Variants in PALLD observed in about 807,000 individuals in gnomAD.
PALLD encodes palladin.
Under a neutral mutation model 123.5 loss-of-function variants are expected in PALLD, and 61 were observed. That is an observed-to-expected ratio of 0.49 (90% CI 0.40 to 0.61). The LOEUF is 0.61. PALLD is among the 20% of genes least tolerant of loss of function. The pLI is 0.00. For synonymous variants in PALLD, 465 were observed against 496.4 expected, an observed-to-expected ratio of 0.94 and a Z score of 0.84; for missense variants, 1,273 against 1,377.0, an observed-to-expected ratio of 0.92 and a Z score of 1.20.
At chr4:168,847,162 A>C (rs1360492557) in intron 10 of PALLD, among the ~76,000 whole-genome samples, 1 of 152,210 alleles carries the variant, frequency 6.6e-6, no homozygotes, top group Non-Finnish European at 1.5e-5. Context: ...ATACCCATTA[A>C]AATGTCAAAT....
At chr4:168,804,876 C>T (rs13129779) in intron 10 of PALLD, among the ~76,000 whole-genome samples, 87,322 of 151,948 alleles carry the variant, frequency 0.57, 25,725 homozygotes, top group East Asian at 0.82. Flanking sequence ...GTTCCCAAAG[C>T]GAGGCCGGGT....
intron 10 of PALLD, among the ~76,000 whole-genome samples, chr4:168,721,448 A>T (rs1786006883): frequency 6.6e-6 from 1 of 151,212 alleles, no homozygotes; most frequent in African/African-American, 2.4e-5. Context: ...TGTCAATTTT[A>T]TGAAAAAATA....
chr4:168,771,738 G>C (rs528983527), intron 10 of PALLD, among the ~76,000 whole-genome samples: 1 of 152,106 alleles, frequency 6.6e-6, no homozygotes. Context: ...CCCTCAAGGC[G>C]ACTCTCCTTC....
At chr4:168,894,721 C>T in intron 12 of PALLD, 44 bp downstream of exon 12, 3 of 1,594,376 alleles carry the variant, frequency 1.9e-6, no homozygotes, top group Non-Finnish European at 2.6e-6. Flanking sequence ...TTTATTCTGT[C>T]CCCCTTTTCC....
At chr4:168,661,444 A>G (rs1490154989) in intron 2 of PALLD, among the ~76,000 whole-genome samples, 1 of 152,250 alleles carries the variant, frequency 6.6e-6, no homozygotes, top group Non-Finnish European at 1.5e-5. Context: ...GAATGAATGA[A>G]TGAGTATGAC....
chr4:168,912,945 C>T (rs1342377159), intron 15 of PALLD, among the ~76,000 whole-genome samples: 1 of 152,104 alleles, frequency 6.6e-6, no homozygotes, highest in Non-Finnish European at 1.5e-5. Context: ...TACATAGGCC[C>T]TTATCATATG....
At chr4:168,679,288 G>T (rs1781264472) in intron 3 of PALLD, among the ~76,000 whole-genome samples, 1 of 96,914 alleles carries the variant, frequency 1.0e-5, no homozygotes, top group Non-Finnish European at 2.1e-5. Flanking sequence ...GGTGAGTATG[G>T]ATGTGTGTGG....
chr4:168,702,636 C>T (rs570944720), intron 8 of PALLD, among the ~76,000 whole-genome samples: 20 of 152,174 alleles, frequency 1.3e-4, no homozygotes, highest in African/African-American at 4.6e-4. Context: ...TTAGCCAGGA[C>T]CCTGAGAGAA....
chr4:168,914,131 A>G, intron 16 of PALLD, 110 bp downstream of exon 16: 1 of 761,496 alleles, frequency 1.3e-6, no homozygotes, highest in Non-Finnish European at 2.3e-6. Flanking sequence ...ACTGGAAGAT[A>G]GAATAGGAAT....
chr4:168,733,883 C>T (rs9312359), intron 10 of PALLD, among the ~76,000 whole-genome samples: 144,526 of 151,646 alleles, frequency 0.95, 68,928 homozygotes, highest in East Asian at 1. Context: ...TACAGGCGCC[C>T]GCCACCGCAC....
intron 10 of PALLD, among the ~76,000 whole-genome samples, chr4:168,840,268 G>A (rs1411469114): frequency 1.3e-5 from 2 of 152,170 alleles, no homozygotes; most frequent in Non-Finnish European, 1.5e-5. Context: ...GCAAGTGACT[G>A]TAAGATACCC....
chr4:168,845,634 C>T (rs1168865908), intron 10 of PALLD, among the ~76,000 whole-genome samples: 2 of 151,980 alleles, frequency 1.3e-5, no homozygotes, highest in African/African-American at 4.8e-5. Flanking sequence ...TTTTGGTATC[C>T]GAAGGGTTCC....
intron 10 of PALLD, among the ~76,000 whole-genome samples, chr4:168,783,046 A>ATGTG (rs150595576): frequency 0.074 from 8,633 of 115,924 alleles, 280 homozygotes; most frequent in Non-Finnish European, 0.11. Context: ...TTATATATAT[A>ATGTG]TGTGTGTGTG....
At chr4:168,498,057 T>G (rs28564310) in intron 1 of PALLD, among the ~76,000 whole-genome samples, 14,743 of 152,250 alleles carry the variant, frequency 0.097, 800 homozygotes, top group Non-Finnish European at 0.11. Flanking sequence ...AATCCTCATT[T>G]CATGATAAAT....
intron 10 of PALLD, among the ~76,000 whole-genome samples, chr4:168,828,554 C>T (rs1201021754): frequency 6.6e-6 from 1 of 152,180 alleles, no homozygotes; most frequent in African/African-American, 2.4e-5. Flanking sequence ...CCAATATCTT[C>T]TTTCTTTAGT....
chr4:168,684,355 C>T (rs1030185285), intron 5 of PALLD, among the ~76,000 whole-genome samples: 5 of 152,096 alleles, frequency 3.3e-5, no homozygotes, highest in African/African-American at 7.2e-5. Context: ...GAGAATGAAG[C>T]ACCCAGAGAA....
At chr4:168,590,202 C>T (rs995900562) in intron 2 of PALLD, among the ~76,000 whole-genome samples, 3 of 152,130 alleles carry the variant, frequency 2.0e-5, no homozygotes, top group Admixed American at 1.3e-4. Context: ...ATTAGCTTGC[C>T]GTGGTGGCAG....
rs1229944035 is a variant in PALLD, at chr4:168,926,476, AC to A, written c.*298del. 20 of 825,878 alleles carry A rather than the reference AC, an allele frequency of 2.4e-5. No individual in the cohort carries two copies. In the African/African-American group the frequency reaches 3.1e-4, roughly 13 times the overall value. 51.2% of individuals were successfully genotyped at this position (825,878 alleles called of 1,614,324 possible). ...CACATTATGTAAAAGGCAGAAACATACCTTTGACTATAAGAAATTAAAAAAA... is the reference window on the plus strand; with the variant it reads ...CACATTATGTAAAAGGCAGAAACATACTTTGACTATAAGAAATTAAAAAAA... On this transcript the variant is annotated 3_prime_UTR_variant, in exon 22 of 22. Transcript: ENST00000505667.
intron 10 of PALLD, among the ~76,000 whole-genome samples, chr4:168,846,579 G>T (rs901380395): frequency 1.2e-4 from 19 of 152,164 alleles, no homozygotes; most frequent in African/African-American, 4.6e-4. Context: ...CTTTACAGGT[G>T]ACCTGTTAAA....
Sources: allele counts gnomAD v4.1 joint callset (sites outside exome capture counted in the v4.1 genomes callset), GRCh38; gene constraint gnomAD v4.1.1; transcripts MANE v1.5; gene names NCBI Gene and HGNC (gene_info 2026-07-23, HGNC 2026-07-21).